Variants in SPHK2 observed in about 807,000 individuals in gnomAD.
The protein encoded by SPHK2 is sphingosine kinase 2.
SPHK2 carries 18 observed loss-of-function variants against 32.3 expected under a neutral mutation model. That is an observed-to-expected ratio of 0.56 (90% CI 0.39 to 0.83). The LOEUF is 0.83. Ranked by LOEUF, SPHK2 falls within the 40% of genes least tolerant of loss-of-function variation. The pLI, the probability that SPHK2 is intolerant of heterozygous loss-of-function variation, is 0.00. For missense variants in SPHK2, 850 were observed against 908.7 expected (o/e 0.94, Z 0.83); for synonymous variants, 462 against 417.6 (o/e 1.11, Z -1.30).
chr19:48,627,698 C>T lies in SPHK2; in HGVS notation c.518C>T (p.Thr173Ile), dbSNP rs1443541235. 1.3e-5 allele frequency: 20 copies of T among 1,597,004 alleles called. 1 individual carries two copies. The Middle Eastern group carries it at 1.5e-3, about 122-fold the overall frequency. ...GLPLPGDGEI[T>I]PDLLPRPPRL... is the part of the protein sequence containing the mutation. ...CCCTAACCTCTCTCCACAGAGATCA[C>T]CCCTGACCTGCTACCTCGGCCGCCC... The change falls in exon 4 of 7, where the codon ACC becomes ATC. Residue 173 changes from threonine (T) to isoleucine (I), a missense_variant. Around this residue, in one of 2 missense-constraint regions of SPHK2, gnomAD observed 544 missense variants for 640.0 expected, o/e 0.85. Coordinates refer to ENST00000245222, the MANE Select transcript of SPHK2 (RefSeq NM_020126.5).
chr19:48,626,077 A>C lies in SPHK2; in HGVS notation c.226A>C (p.Ile76Leu), dbSNP rs144465202. Reference protein sequence around the residue: ...ALTLTSQALHIQRLRPKPEAR... With the variant: ...ALTLTSQALHLQRLRPKPEAR... ...CACCCTTACATCGCAGGCCCTGCAC[A>C]TACAGCGGCTGCGCCCCAAACCTGA... The change falls in exon 3 of 7, where the codon ATA becomes CTA. Residue 76 changes from isoleucine to leucine, a missense_variant. By Grantham distance (5) the Ile-to-Leu change is conservative. This residue lies in a region of SPHK2 where 544 missense variants were observed against 640.0 expected (regional missense o/e 0.85). Coordinates refer to ENST00000245222, the MANE Select transcript of SPHK2 (RefSeq NM_020126.5). 8.1e-5 allele frequency: 130 copies of C among 1,612,926 alleles called. No homozygotes were observed. In the African/African-American group the frequency reaches 1.7e-3, roughly 21 times the overall value.
At chr19:48,625,386 C>G (rs1974564988) in intron 2 of SPHK2, 1 of 1,173,110 alleles carries the variant, frequency 8.5e-7, no homozygotes, top group South Asian at 1.6e-5. Flanking sequence ...GTTTTACCCA[C>G]TGCACCGTAT....
At position 48,629,713 on chromosome 19, in the gene SPHK2, G is replaced by C; in HGVS notation, c.1905G>C (p.Met635Ile). ...QVEYGPLQAQ[M>I]HPGIGTLLTG... ...AGTATGGGCCGCTACAGGCACAGAT[G>C]CACCCTGGCATCGGTACACTGCTCA... The change falls in exon 7 of 7, where the codon ATG becomes ATC. Residue 635 changes from methionine to isoleucine, a missense_variant. Physicochemically the swap from Met to Ile is conservative, Grantham distance 10. Transcript: ENST00000245222. The C allele has an allele frequency of 6.2e-7, 1 of 1,609,342 alleles. No homozygotes were observed. The highest frequency in any genetic ancestry group is 2.2e-5 in the East Asian group (1 of 44,782).
chr19:48,627,867 G>T, intron 4 of SPHK2, 26 bp downstream of exon 4: 1 of 1,600,266 alleles, frequency 6.2e-7, no homozygotes, highest in Non-Finnish European at 8.5e-7. Flanking sequence ...AATGGGAGCT[G>T]GGGGCTGGGA....
rs1974621653 is a variant in SPHK2, at chr19:48,626,300, C to T, written c.449C>T (p.Ala150Val). The T allele has an allele frequency of 1.3e-6, 2 of 1,595,164 alleles. No individual in the cohort carries two copies. The highest frequency in any genetic ancestry group is 1.3e-5 in the African/African-American group (1 of 74,836). Residue 150 changes from alanine (A) to valine (V), a missense_variant, in exon 3 of 7, where the codon GCC (alanine) becomes GTC (valine). This residue lies in a region of SPHK2 where 544 missense variants were observed against 640.0 expected (regional missense o/e 0.85). Transcript: ENST00000245222. ...ACCTACGAAGAGAACCGTGCCGAGG[C>T]CCAGCGCTGGGCCACTGCCCTCACC... ...AATYEENRAEAQRWATALTCL... is the reference protein window; with the variant it reads ...AATYEENRAEVQRWATALTCL...
At chr19:48,624,781 A>C in intron 2 of SPHK2, 2 of 379,554 alleles carry the variant, frequency 5.3e-6, no homozygotes, top group Non-Finnish European at 7.1e-6. Context: ...GGGCCAGGGC[A>C]GGTTTGGGGG....
rs753379442 is a variant in SPHK2, at chr19:48,628,360, ACAGT to A, written c.872+90_872+93del. 5.9e-5 allele frequency: 77 copies of A among 1,315,080 alleles called. No individual in the cohort carries two copies. Among genetic ancestry groups the A allele is most frequent in the Non-Finnish European group, 7.6e-5 (70 of 918,298 alleles). The allele number at this position is 1,315,080 out of a possible 1,614,324, so 81.5% of individuals were successfully genotyped here. On this transcript the variant is annotated intron_variant, in intron 6 of 6. Coordinates refer to ENST00000245222, the MANE Select transcript of SPHK2 (RefSeq NM_020126.5). The surrounding 1 kb of genome is among the most constrained non-coding windows in gnomAD (Gnocchi z 5.2). ...CTATATCTCCCACTCAGCCAAACCC[ACAGT>A]CAGTCAAGTAAATCAGCCTGCCTGT...
At chr19:48,625,714 G>A in intron 2 of SPHK2, 177 bp from the exon 3 acceptor site, 2 of 1,535,122 alleles carry the variant, frequency 1.3e-6, no homozygotes, top group Non-Finnish European at 1.7e-6. Flanking sequence ...CTGGGATGCT[G>A]GCCTCTGTCC....
At chr19:48,627,283 G>C (rs566514839) in intron 3 of SPHK2, among the ~76,000 whole-genome samples, 20 of 152,240 alleles carry the variant, frequency 1.3e-4, no homozygotes, top group Non-Finnish European at 2.6e-4. Context: ...GAGAGCAGCA[G>C]CCTGAGACAG....
chr19:48,630,250 G>C lies in SPHK2; in HGVS notation c.*477G>C. The C allele has an allele frequency of 2.4e-6, 3 of 1,274,280 alleles. No individual in the cohort carries two copies. The highest frequency in any genetic ancestry group is 2.8e-5 in the South Asian group (1 of 35,312). 78.9% of individuals were successfully genotyped at this position (1,274,280 alleles called of 1,614,324 possible). Reference sequence around the variant, plus strand: ...TCAGCCCAGGAGGGGCAGGTTCCCCGGGGCCGGCGCTAGGATTTGCACTAA... The same window carrying C: ...TCAGCCCAGGAGGGGCAGGTTCCCCCGGGCCGGCGCTAGGATTTGCACTAA... On this transcript the variant is annotated 3_prime_UTR_variant, in exon 7 of 7. Transcript: ENST00000245222. This position sits in a 1 kb window ranked among gnomAD's most constrained non-coding sequence, Gnocchi z 4.9.
chr19:48,627,657 C>T (rs1451578181), intron 3 of SPHK2, 35 bp from the exon 4 acceptor site: 2 of 1,530,686 alleles, frequency 1.3e-6, no homozygotes, highest in African/African-American at 2.8e-5. Context: ...GGGCCTGGGT[C>T]ACTGGCCTCT....
At chr19:48,625,587 AT>A in intron 2 of SPHK2, 1 of 1,419,328 alleles carries the variant, frequency 7.0e-7, no homozygotes, top group Non-Finnish European at 9.3e-7. Flanking sequence ...ATTTGGGGCT[AT>A]TTTGTCTCCT....
At position 48,620,532 on chromosome 19, in the gene SPHK2, A is replaced by G. The variant is rs773958047; in HGVS notation, c.18A>G (p.Glu6=). The change falls in exon 2 of 7, where the codon GAA becomes GAG. Residue 6 remains glutamate (E), a synonymous_variant. Coordinates refer to ENST00000245222, the MANE Select transcript of SPHK2 (RefSeq NM_020126.5). ...ACCAGCAGATGAATGGACACCTTGA[A>G]GCAGAGGAGCAGCAGGACCAGGTAA... is the stretch of plus-strand genomic sequence containing the variant. MNGHL[E]AEEQQDQRPD... is the part of the protein sequence containing the mutation. 2 of 1,613,396 alleles carry G rather than the reference A, an allele frequency of 1.2e-6. No individual in the cohort carries two copies. Among genetic ancestry groups the G allele is most frequent in the Non-Finnish European group, 1.7e-6 (2 of 1,179,614 alleles).
chr19:48,625,331 C>G, intron 2 of SPHK2: 1 of 1,125,390 alleles, frequency 8.9e-7, no homozygotes, highest in East Asian at 8.3e-5. Context: ...CAGTGTTTCT[C>G]TGGCTCTCAG....
Position 48,626,315 on chromosome 19 carries a change from C to T in SPHK2, c.464C>T (p.Thr155Ile), listed in dbSNP as rs775784571. 6.3e-6 allele frequency: 10 copies of T among 1,595,750 alleles called. No homozygotes were observed. The highest frequency in any genetic ancestry group is 1.3e-5 in the African/African-American group (1 of 74,960). ...CGTGCCGAGGCCCAGCGCTGGGCCA[C>T]TGCCCTCACCTGTCTGCTCCGAGGA... ...ENRAEAQRWATALTCLLRGLP... is the reference protein window; with the variant it reads ...ENRAEAQRWAIALTCLLRGLP... Residue 155 changes from threonine to isoleucine, a missense_variant, in exon 3 of 7, where the codon ACT becomes ATT. Coordinates refer to ENST00000245222, the MANE Select transcript of SPHK2 (RefSeq NM_020126.5).
In SPHK2 at chr19:48,630,018, C is replaced by G; in HGVS notation, c.*245C>G. The G allele has an allele frequency of 2.2e-6, 3 of 1,357,280 alleles. No individual in the cohort carries two copies. The highest frequency in any genetic ancestry group is 2.8e-6 in the Non-Finnish European group (3 of 1,057,808). The allele number at this position is 1,357,280 out of a possible 1,614,324, so 84.1% of individuals were successfully genotyped here. A position where few individuals can be genotyped will look rare whatever the true frequency, so the allele number is the denominator to read the frequency against. On this transcript the variant is annotated 3_prime_UTR_variant, in exon 7 of 7. Transcript: ENST00000245222. This position sits in a 1 kb window ranked among gnomAD's most constrained non-coding sequence, Gnocchi z 4.9. ...ATGAGGGCGGGGCCTGGCGTCTGAT[C>G]TGGGGCCGCCCTTACGGGGCAGGGC... is the stretch of plus-strand genomic sequence containing the variant.
Position 48,619,560 on chromosome 19 carries a change from G to GGCAGGGCTA in SPHK2, c.-114+19_-114+27dup. On this transcript the variant is annotated intron_variant, in intron 1 of 6. Transcript: ENST00000245222. ...GTGTTGGAGGTGAGGAGGCGGGGCT[G>GGCAGGGCTA]GCAGGGCTAGTCGGGGCATCTGGAA... 4.6e-6 allele frequency: 1 copy of GGCAGGGCTA among 217,884 alleles called. No homozygotes were observed. Among genetic ancestry groups the GGCAGGGCTA allele is most frequent in the Non-Finnish European group, 9.4e-6 (1 of 106,922 alleles). 13.5% of individuals were successfully genotyped at this position (217,884 alleles called of 1,614,324 possible).
Position 48,626,280 on chromosome 19 carries a change from C to T in SPHK2, c.429C>T (p.Tyr143=), listed in dbSNP as rs201446226. ...TCCGGGCAGATGGGGCCGCCACCTA[C>T]GAAGAGAACCGTGCCGAGGCCCAGC... The part of the protein sequence containing the change: ...RTFRADGAAT[Y]EENRAEAQRW... Residue 143 remains tyrosine, a synonymous_variant, in exon 3 of 7, where the codon TAC becomes TAT. Transcript: ENST00000245222. 221 of 1,594,542 alleles carry T rather than the reference C, an allele frequency of 1.4e-4. 1 individual carries two copies. The African/African-American group carries it at 2.2e-3, about 16-fold the overall frequency.
intron 2 of SPHK2, chr19:48,624,223 C>G (rs899624520): frequency 2.0e-5 from 3 of 152,280 alleles, no homozygotes; most frequent in Non-Finnish European, 2.9e-5. Context: ...AAGCGCGAGG[C>G]CCCGCCCAGC....
Sources: gnomAD v4.1 joint callset for allele counts (sites outside exome capture counted in the v4.1 genomes callset) on GRCh38, gnomAD v4.1.1 for gene constraint, gnomAD v4.1.1 regional missense constraint, Gnocchi (gnomAD v3.1) non-coding constraint, MANE v1.5 for transcripts, NCBI Gene and HGNC (gene_info 2026-07-23, HGNC 2026-07-21) for gene names.